The following RHBDD1 variants were observed in gnomAD, a reference collection of about 807,000 sequenced individuals.
RHBDD1 encodes rhomboid-related protein 4.
RHBDD1 carries 38 observed loss-of-function variants against 36.3 expected under a neutral mutation model. That is an observed-to-expected ratio of 1.05 (90% CI 0.81 to 1.37). RHBDD1 has a LOEUF of 1.37. RHBDD1 is among the 40% of genes most tolerant of loss of function. The probability of loss-of-function intolerance (pLI) is 0.00; values close to 1 mark genes in which losing one functional copy is unlikely to be tolerated. For missense variants in RHBDD1, 393 were observed against 377.6 expected (o/e 1.04, Z -0.34); for synonymous variants, 151 against 136.5 (o/e 1.11, Z -0.74).
the RHBDD1 span, among the ~76,000 whole-genome samples, chr2:226,802,199 A>C: frequency 1.3e-5 from 2 of 152,310 alleles, no homozygotes; most frequent in African/African-American, 2.4e-5. Flanking sequence ...TAAAAAATAT[A>C]TCTCTCAGTG....
At chr2:226,817,716 G>A in the RHBDD1 span, among the ~76,000 whole-genome samples, 1 of 152,206 alleles carries the variant, frequency 6.6e-6, no homozygotes, top group South Asian at 2.1e-4. Flanking sequence ...AAATGACATT[G>A]AAGCCAGTAT....
chr2:226,836,709 T>C (rs1454880390), intron 1 of RHBDD1, among the ~76,000 whole-genome samples: 24 of 152,356 alleles, frequency 1.6e-4, no homozygotes, highest in Non-Finnish European at 2.9e-5. Flanking sequence ...TGCCTAGTTA[T>C]GATTCAATTA....
chr2:226,835,212 T>A (rs1026188506), upstream of RHBDD1, among the ~76,000 whole-genome samples: 1 of 152,200 alleles, frequency 6.6e-6, no homozygotes, highest in African/African-American at 2.4e-5. Flanking sequence ...CGCCCGGCTG[T>A]AAGATAGTTT....
chr2:226,948,326 C>T lies in RHBDD1; in HGVS notation c.856+33975C>T, dbSNP rs1156465150. Among the ~76,000 whole-genome samples the T allele has an allele frequency of 6.2e-5, 9 of 146,208 alleles. No homozygotes were observed. The South Asian group carries it at 2.0e-3, about 32-fold the overall frequency. Reference sequence around the variant, plus strand: ...GTAAACTATCGCAAGATCAAAAAACCAAACACCGCATATTCTCACTCATAG... The same window carrying T: ...GTAAACTATCGCAAGATCAAAAAACTAAACACCGCATATTCTCACTCATAG... On this transcript the variant is annotated intron_variant, in intron 8 of 8. Transcript: ENST00000392062.
intron 8 of RHBDD1, among the ~76,000 whole-genome samples, chr2:226,922,432 C>T (rs1949392127): frequency 6.6e-6 from 1 of 151,950 alleles, no homozygotes; most frequent in Admixed American, 6.6e-5. Flanking sequence ...TGGTCTCGAT[C>T]TCCTGACCTT....
chr2:226,880,312 G>A (rs533762498), intron 5 of RHBDD1, among the ~76,000 whole-genome samples: 70 of 151,432 alleles, frequency 4.6e-4, no homozygotes, highest in Non-Finnish European at 8.7e-4. Context: ...GCATTTCTTA[G>A]ATGTTCATTT....
At chr2:226,894,374 A>T (rs368386257) in intron 5 of RHBDD1, among the ~76,000 whole-genome samples, 1 of 152,132 alleles carries the variant, frequency 6.6e-6, no homozygotes. Flanking sequence ...GGCTCAAGTG[A>T]TTCTCCTGCC....
intron 3 of RHBDD1, among the ~76,000 whole-genome samples, chr2:226,850,170 T>C (rs1259789546): frequency 1.3e-5 from 2 of 152,202 alleles, no homozygotes; most frequent in Non-Finnish European, 2.9e-5. Flanking sequence ...GATAATTTGC[T>C]CAAGGTAACT....
At chr2:226,848,629 A>G (rs1158517259) in intron 3 of RHBDD1, among the ~76,000 whole-genome samples, 1 of 152,220 alleles carries the variant, frequency 6.6e-6, no homozygotes, top group Non-Finnish European at 1.5e-5. Context: ...AGCCAAGATC[A>G]GCTTACCAGA....
At chr2:226,967,914 C>T (rs62189770) in intron 8 of RHBDD1, among the ~76,000 whole-genome samples, 17 of 152,162 alleles carry the variant, frequency 1.1e-4, no homozygotes, top group Admixed American at 9.2e-4. Context: ...AACTCTGTAA[C>T]CTGTTGGTAG....
the RHBDD1 span, among the ~76,000 whole-genome samples, chr2:226,819,714 A>G: frequency 6.6e-6 from 1 of 152,260 alleles, no homozygotes. Context: ...TCAATGGTCA[A>G]TATTCCCTAT....
At chr2:226,847,802 T>C (rs1942380951) in intron 3 of RHBDD1, among the ~76,000 whole-genome samples, 1 of 152,218 alleles carries the variant, frequency 6.6e-6, no homozygotes, top group Non-Finnish European at 1.5e-5. Flanking sequence ...TGATCCTTTA[T>C]ACTAGAAATT....
chr2:226,926,734 A>G (rs911433007), intron 8 of RHBDD1, among the ~76,000 whole-genome samples: 1 of 152,096 alleles, frequency 6.6e-6, no homozygotes, highest in Admixed American at 6.5e-5. Context: ...GCAAAGGTAC[A>G]TTTTTCCCTT....
chr2:226,962,059 A>G (rs1488017952), intron 8 of RHBDD1, among the ~76,000 whole-genome samples: 1 of 152,168 alleles, frequency 6.6e-6, no homozygotes, highest in Non-Finnish European at 1.5e-5. Context: ...CAGAGAAGAG[A>G]TGGGAACTCC....
the RHBDD1 span, among the ~76,000 whole-genome samples, chr2:226,810,540 C>CAAAAAAAAAAAAAAAAAAAAA: frequency 5.9e-5 from 2 of 33,878 alleles, no homozygotes; most frequent in African/African-American, 1.4e-4. Flanking sequence ...GACTCCGTCT[C>CAAAAAAAAAAAAAAAAAAAAA]AAAAAAAAAA....
the RHBDD1 span, among the ~76,000 whole-genome samples, chr2:226,812,585 A>G: frequency 6.6e-6 from 1 of 152,194 alleles, no homozygotes; most frequent in Non-Finnish European, 1.5e-5. Flanking sequence ...TTATGGAACA[A>G]TCCCCATGGT....
chr2:226,919,187 G>C (rs966074032), intron 8 of RHBDD1, among the ~76,000 whole-genome samples: 2 of 151,700 alleles, frequency 1.3e-5, no homozygotes, highest in Non-Finnish European at 3.0e-5. Flanking sequence ...CAATATGTAA[G>C]CAGCTATTTG....
chr2:226,909,500 G>A (rs942957985), intron 7 of RHBDD1, among the ~76,000 whole-genome samples: 10 of 152,174 alleles, frequency 6.6e-5, no homozygotes, highest in Admixed American at 2.0e-4. Flanking sequence ...GAACACTCAT[G>A]TCTTAATGCA....
intron 5 of RHBDD1, among the ~76,000 whole-genome samples, chr2:226,884,212 AG>A (rs2125424104): frequency 6.6e-6 from 1 of 152,128 alleles, no homozygotes; most frequent in South Asian, 2.1e-4. Flanking sequence ...CTGCTTGTGC[AG>A]TATTAAGTGA....
Sources: allele counts gnomAD v4.1 joint callset (sites outside exome capture counted in the v4.1 genomes callset), GRCh38; gene constraint gnomAD v4.1.1; transcripts MANE v1.5; gene names NCBI Gene and HGNC (gene_info 2026-07-23, HGNC 2026-07-21).